Variants in SHROOM4 observed in about 807,000 individuals in gnomAD.
SHROOM4 encodes the protein shroom family member 4.
In SHROOM4, 17 loss-of-function variants were observed where a neutral mutation model predicts 80.3. That is an observed-to-expected ratio of 0.21 (90% CI 0.14 to 0.32). SHROOM4 has a LOEUF of 0.32. SHROOM4 is among the 10% of genes least tolerant of loss of function. The pLI, the probability that SHROOM4 is intolerant of heterozygous loss-of-function variation, is 1.00. For synonymous variants in SHROOM4, 400 were observed against 437.5 expected (o/e 0.91, Z 1.07); for missense variants, 993 against 1,140.3 (o/e 0.87, Z 1.86).
intron 1 of SHROOM4, among the ~76,000 whole-genome samples, chrX:50,730,199 G>A (rs1035799093): frequency 1.8e-5 from 2 of 111,362 alleles, no homozygotes; most frequent in Non-Finnish European, 3.8e-5. Flanking sequence ...AGGCCGAGGC[G>A]GGCGGATCAC....
chrX:50,622,790 G>T (rs782656859), intron 5 of SHROOM4, among the ~76,000 whole-genome samples: 6 of 112,178 alleles, frequency 5.3e-5, no homozygotes, highest in Non-Finnish European at 7.5e-5. Context: ...TGTTTCCTGA[G>T]ACCTTTAATT....
chrX:50,774,673 G>GAA (rs370357194), intron 1 of SHROOM4, among the ~76,000 whole-genome samples: 85 of 66,924 alleles, frequency 1.3e-3, no homozygotes, highest in Non-Finnish European at 2.5e-3. Context: ...GAAAGATTTA[G>GAA]AAAAAAAAAA....
intron 1 of SHROOM4, among the ~76,000 whole-genome samples, chrX:50,779,592 T>A (rs1453984489): frequency 8.9e-6 from 1 of 111,734 alleles, no homozygotes; most frequent in Admixed American, 9.5e-5. Flanking sequence ...CCTGTCTACA[T>A]CCCCAGCTAC....
chrX:50,652,155 C>T (rs1008354353), intron 2 of SHROOM4, among the ~76,000 whole-genome samples: 9 of 111,849 alleles, frequency 8.0e-5, no homozygotes, highest in African/African-American at 2.9e-4. Context: ...GAGGAATCGC[C>T]ACACTATCTT....
intron 1 of SHROOM4, among the ~76,000 whole-genome samples, chrX:50,791,720 T>C (rs1557271542): frequency 9.6e-6 from 1 of 104,654 alleles, no homozygotes; most frequent in South Asian, 4.4e-4. Flanking sequence ...TTTACAGAAA[T>C]AGGAAAAAAA....
chrX:50,777,471 G>A (rs1935535483), intron 1 of SHROOM4, among the ~76,000 whole-genome samples: 1 of 111,754 alleles, frequency 8.9e-6, no homozygotes, highest in Non-Finnish European at 1.9e-5. Flanking sequence ...ACCTAAATGG[G>A]CAATTACATG....
At chrX:50,666,565 G>C in intron 2 of SHROOM4, among the ~76,000 whole-genome samples, 1 of 111,609 alleles carries the variant, frequency 9.0e-6, no homozygotes, top group East Asian at 2.8e-4. Context: ...AAGTAGAAAA[G>C]AATCATACAC....
At chrX:50,583,669 G>A (rs1302229963), downstream of SHROOM4, among the ~76,000 whole-genome samples, 1 of 111,312 alleles carries the variant, frequency 9.0e-6, no homozygotes. Context: ...GCCACTAGGA[G>A]GTGAGGGTGG....
chrX:50,602,708 T>C lies in SHROOM4; in HGVS notation c.3867A>G (p.Lys1289=). ...CTGCCATCTCAGGTTGGTCTTTCAG[T>C]TTGTTCAGCAGCTCTGCCTTGGCCA... ...ISVAKAELLN[K]LKDQPEMAEI... is the part of the protein sequence containing the mutation. The change falls in exon 7 of 9, where the codon AAA becomes AAG. Residue 1289 remains lysine (K), a synonymous_variant. Transcript: ENST00000376020. The C allele has an allele frequency of 8.3e-7, 1 of 1,211,656 alleles. No homozygotes were observed. The highest frequency in any genetic ancestry group is 1.1e-6 in the Non-Finnish European group (1 of 895,415).
At chrX:50,598,189 C>A (rs1294472218) in intron 8 of SHROOM4, 77 bp downstream of exon 8, 1 of 1,172,603 alleles carries the variant, frequency 8.5e-7, no homozygotes, top group African/African-American at 1.8e-5. Context: ...CTATAGTAGC[C>A]CAACTTGAAA....
intron 1 of SHROOM4, among the ~76,000 whole-genome samples, chrX:50,753,870 C>T (rs1204581454): frequency 3.6e-5 from 4 of 111,473 alleles, no homozygotes; most frequent in Admixed American, 1.9e-4. Flanking sequence ...CTTTTGCTTT[C>T]GGTATTTGAG....
At chrX:50,714,883 T>C (rs782725063) in intron 1 of SHROOM4, among the ~76,000 whole-genome samples, 1 of 111,601 alleles carries the variant, frequency 9.0e-6, no homozygotes, top group Non-Finnish European at 1.9e-5. Context: ...CCAATGAAGG[T>C]CCATGTTCAG....
intron 1 of SHROOM4, among the ~76,000 whole-genome samples, chrX:50,778,942 A>G (rs963008282): frequency 4.5e-5 from 5 of 111,889 alleles, no homozygotes; most frequent in Non-Finnish European, 9.4e-5. Context: ...TACTAATAAT[A>G]TCCACATCAA....
chrX:50,587,817 C>T lies in SHROOM4; in HGVS notation c.*8878G>A, dbSNP rs1928790227. Among the ~76,000 whole-genome samples, 1 of 112,145 alleles carries T rather than the reference C, an allele frequency of 8.9e-6. No individual in the cohort carries two copies. The highest frequency in any genetic ancestry group is 1.9e-5 in the Non-Finnish European group (1 of 53,223). ...CTTACAAACAGCAAAAATGCTACCACAATTCTGAATTTTGATTAAATAGTG... is the reference window on the plus strand; with the variant it reads ...CTTACAAACAGCAAAAATGCTACCATAATTCTGAATTTTGATTAAATAGTG... On this transcript the variant is annotated 3_prime_UTR_variant, in exon 9 of 9. Transcript: ENST00000376020.
intron 2 of SHROOM4, among the ~76,000 whole-genome samples, chrX:50,642,133 G>A (rs1557257269): frequency 8.9e-6 from 1 of 112,508 alleles, no homozygotes; most frequent in Non-Finnish European, 1.9e-5. Flanking sequence ...TATTAGCTCG[G>A]AATAGCCCTA....
At chrX:50,714,973 T>C (rs1352165469) in intron 1 of SHROOM4, among the ~76,000 whole-genome samples, 1 of 111,821 alleles carries the variant, frequency 8.9e-6, no homozygotes, top group African/African-American at 3.3e-5. Context: ...ATGTGCCAGT[T>C]AACCACAACA....
At chrX:50,601,146 C>G (rs1349307900) in intron 7 of SHROOM4, among the ~76,000 whole-genome samples, 1 of 112,011 alleles carries the variant, frequency 8.9e-6, no homozygotes, top group African/African-American at 3.2e-5. Flanking sequence ...TCTGGGACAT[C>G]GCAAATTGGT....
chrX:50,602,257 A>G (rs1929459375), intron 7 of SHROOM4, among the ~76,000 whole-genome samples: 1 of 109,503 alleles, frequency 9.1e-6, no homozygotes, highest in Non-Finnish European at 1.9e-5. Context: ...ACGCCTGGCT[A>G]ATTTTTGTAT....
At chrX:50,740,714 CA>C (rs1332192694) in intron 1 of SHROOM4, among the ~76,000 whole-genome samples, 2 of 111,489 alleles carry the variant, frequency 1.8e-5, no homozygotes, top group Non-Finnish European at 3.8e-5. Context: ...AAAATAGTCT[CA>C]AAAAATGTAA....
Sources: gnomAD v4.1 joint callset for allele counts (sites outside exome capture counted in the v4.1 genomes callset) on GRCh38, gnomAD v4.1.1 for gene constraint, MANE v1.5 for transcripts, NCBI Gene and HGNC (gene_info 2026-07-23, HGNC 2026-07-21) for gene names.